SBF2: variants seen among roughly 807,000 people sequenced by gnomAD.
SBF2 encodes myotubularin-related protein 13.
SBF2 carries 112 observed loss-of-function variants against 225.2 expected under a neutral mutation model. The ratio of observed to expected loss-of-function variants is 0.50; its 90% CI spans 0.43 to 0.58. The LOEUF (loss-of-function observed/expected upper bound fraction) is 0.58, where lower values mean the gene tolerates loss of function less well. SBF2 is among the 20% of genes least tolerant of loss of function. The pLI, the probability that SBF2 is intolerant of heterozygous loss-of-function variation, is 0.00. For synonymous variants in SBF2, 763 were observed against 773.3 expected (o/e 0.99, Z 0.22); for missense variants, 1,996 against 2,206.2 (o/e 0.90, Z 1.91).
intron 1 of SBF2, among the ~76,000 whole-genome samples, chr11:10,242,132 C>T (rs1330512600): frequency 6.6e-6 from 1 of 151,812 alleles, no homozygotes; most frequent in Admixed American, 6.6e-5. Flanking sequence ...CTGGTCCTAG[C>T]ACCAAAGTAT....
At chr11:9,806,462 CT>C (rs1304256555) in intron 32 of SBF2, among the ~76,000 whole-genome samples, 1 of 152,226 alleles carries the variant, frequency 6.6e-6, no homozygotes, top group Non-Finnish European at 1.5e-5. Flanking sequence ...GAGATAGATG[CT>C]TGCTCCTCTC....
At chr11:9,975,914 C>T (rs969312873) in intron 13 of SBF2, among the ~76,000 whole-genome samples, 7 of 151,898 alleles carry the variant, frequency 4.6e-5, no homozygotes, top group Non-Finnish European at 8.8e-5. Context: ...TAACATTTTG[C>T]GGAAATGTAA....
intron 2 of SBF2, among the ~76,000 whole-genome samples, chr11:10,124,796 A>G (rs1301740829): frequency 1.3e-5 from 2 of 151,978 alleles, no homozygotes; most frequent in South Asian, 2.1e-4. Context: ...ATACTCATCT[A>G]TTTTCCACAG....
chr11:9,895,806 T>A, intron 17 of SBF2, 137 bp downstream of exon 17: 1 of 718,200 alleles, frequency 1.4e-6, no homozygotes, highest in South Asian at 1.5e-5. Context: ...GCAATAAATG[T>A]TATAATAAAT....
At chr11:9,795,222 C>T (rs745659921) in intron 33 of SBF2, among the ~76,000 whole-genome samples, 10 of 152,164 alleles carry the variant, frequency 6.6e-5, no homozygotes, top group Non-Finnish European at 2.9e-5. Flanking sequence ...ATTACTAATG[C>T]GAGTGATGTC....
intron 16 of SBF2, among the ~76,000 whole-genome samples, chr11:9,955,645 T>A (rs1866113276): frequency 6.6e-6 from 1 of 152,026 alleles, no homozygotes; most frequent in Non-Finnish European, 1.5e-5. Flanking sequence ...ATGTTTGAAG[T>A]GAGTTTGAGA....
chr11:10,089,246 T>A (rs1449726785), intron 2 of SBF2, among the ~76,000 whole-genome samples: 1 of 152,174 alleles, frequency 6.6e-6, no homozygotes, highest in African/African-American at 2.4e-5. Flanking sequence ...ACACTGTATG[T>A]CCATATATAC....
At chr11:9,989,065 T>C (rs1022182331) in intron 13 of SBF2, among the ~76,000 whole-genome samples, 1 of 151,568 alleles carries the variant, frequency 6.6e-6, no homozygotes, top group African/African-American at 2.4e-5. Flanking sequence ...TACATATGCA[T>C]ACATACACAT....
chr11:10,100,084 C>G (rs759471512), intron 2 of SBF2, among the ~76,000 whole-genome samples: 37 of 152,168 alleles, frequency 2.4e-4, no homozygotes, highest in Non-Finnish European at 4.9e-4. Context: ...CAAGACCCAA[C>G]TATATGCTGC....
chr11:9,824,256 G>A (rs1034198127), intron 28 of SBF2, among the ~76,000 whole-genome samples: 2 of 152,012 alleles, frequency 1.3e-5, no homozygotes, highest in Non-Finnish European at 2.9e-5. Context: ...AGAAGATAGT[G>A]TAGTTGAAAA....
At chr11:9,932,202 A>G (rs534870612) in intron 16 of SBF2, among the ~76,000 whole-genome samples, 6 of 152,176 alleles carry the variant, frequency 3.9e-5, no homozygotes, top group African/African-American at 1.4e-4. Context: ...GTTGGAAAAC[A>G]CTCTTCAGGA....
chr11:9,989,635 A>G, intron 12 of SBF2, 40 bp from the exon 13 acceptor site: 2 of 1,178,382 alleles, frequency 1.7e-6, no homozygotes, highest in Non-Finnish European at 2.5e-6. Flanking sequence ...CAATTCCAAA[A>G]TATGCCAAAT....
chr11:10,283,622 G>C (rs1475665571), intron 1 of SBF2, among the ~76,000 whole-genome samples: 1 of 149,156 alleles, frequency 6.7e-6, no homozygotes, highest in Non-Finnish European at 1.5e-5. Context: ...ATGGACAGAA[G>C]AAATAAAAAA....
At chr11:9,802,572 G>GT (rs998595366) in intron 32 of SBF2, among the ~76,000 whole-genome samples, 3 of 152,140 alleles carry the variant, frequency 2.0e-5, no homozygotes, top group South Asian at 2.1e-4. Flanking sequence ...TTTTGAACCT[G>GT]TTTTTTTGAT....
chr11:9,919,237 TG>T (rs1443535146), intron 16 of SBF2, among the ~76,000 whole-genome samples: 4 of 151,340 alleles, frequency 2.6e-5, no homozygotes, highest in African/African-American at 4.9e-5. Flanking sequence ...CATCAAGATT[TG>T]AAATAGCCTC....
intron 2 of SBF2, among the ~76,000 whole-genome samples, chr11:10,171,373 CT>C (rs1308887343): frequency 6.6e-6 from 1 of 152,108 alleles, no homozygotes; most frequent in African/African-American, 2.4e-5. Flanking sequence ...TTATCAGATG[CT>C]TTTTCAGCAT....
upstream of SBF2, among the ~76,000 whole-genome samples, chr11:10,295,877 T>A (rs933155065): frequency 5.9e-5 from 9 of 152,158 alleles, no homozygotes; most frequent in Non-Finnish European, 1.2e-4. Flanking sequence ...CCAACTTTTC[T>A]AAAAATAGGG....
chr11:10,110,974 A>G (rs1282855661), intron 2 of SBF2, among the ~76,000 whole-genome samples: 3 of 152,206 alleles, frequency 2.0e-5, no homozygotes, highest in African/African-American at 7.2e-5. Flanking sequence ...TGCAAATTAC[A>G]GCAGTACAGA....
At chr11:10,169,037 A>C (rs995210124) in intron 2 of SBF2, among the ~76,000 whole-genome samples, 2 of 152,096 alleles carry the variant, frequency 1.3e-5, no homozygotes, top group Non-Finnish European at 2.9e-5. Flanking sequence ...CTCTCAATGA[A>C]ATCTTTTTTG....
Sources: gnomAD v4.1 joint callset for allele counts (sites outside exome capture counted in the v4.1 genomes callset) on GRCh38, gnomAD v4.1.1 for gene constraint, MANE v1.5 for transcripts, NCBI Gene and HGNC (gene_info 2026-07-23, HGNC 2026-07-21) for gene names.